The following HMG20A variants were observed in gnomAD, a reference collection of about 807,000 sequenced individuals.
HMG20A encodes the protein high mobility group protein 20A.
HMG20A carries 17 observed loss-of-function variants against 43.9 expected under a neutral mutation model. That is an observed-to-expected ratio of 0.39 (90% CI 0.27 to 0.58). The LOEUF is 0.58. Ranked by LOEUF, HMG20A falls within the 20% of genes least tolerant of loss-of-function variation. The probability of loss-of-function intolerance (pLI) is 0.59; values close to 1 mark genes in which losing one functional copy is unlikely to be tolerated. For synonymous variants in HMG20A, 132 were observed against 147.5 expected, an observed-to-expected ratio of 0.89 and a Z score of 0.76; for missense variants, 341 against 438.2, an observed-to-expected ratio of 0.78 and a Z score of 1.98.
At chr15:77,497,290 T>C in the HMG20A span, among the ~76,000 whole-genome samples, 1 of 152,166 alleles carries the variant, frequency 6.6e-6, no homozygotes, top group East Asian at 1.9e-4. Context: ...AGTGGCACTG[T>C]CTCTGGCCTG....
intron 1 of HMG20A, among the ~76,000 whole-genome samples, chr15:77,435,819 C>CT (rs35390385): frequency 0.62 from 91,333 of 147,660 alleles, 28,654 homozygotes; most frequent in Middle Eastern, 0.71. Context: ...GTAGGTGCAT[C>CT]TTTTTTTTTT....
At chr15:77,490,269 C>G (rs534428996), downstream of HMG20A, among the ~76,000 whole-genome samples, 1 of 152,066 alleles carries the variant, frequency 6.6e-6, no homozygotes, top group South Asian at 2.1e-4. Context: ...GCCTGAGTAA[C>G]AGAGCAAGAC....
chr15:77,472,432 AC>A (rs1309953670), intron 6 of HMG20A, among the ~76,000 whole-genome samples: 3 of 151,960 alleles, frequency 2.0e-5, no homozygotes, highest in Admixed American at 1.3e-4. Context: ...GTGCCATCAT[AC>A]CCGGCTAATT....
At position 77,437,312 on chromosome 15, in the gene HMG20A, C is replaced by G. The variant is rs2073560123; in HGVS notation, c.-5+16308C>G. On this transcript the variant is annotated intron_variant, in intron 1 of 9. Transcript: ENST00000336216. ...GTATTGCTGGTATCTTAACCATGTACCTGGTACATATTACTGAAAATATGT... is the reference window on the plus strand; with the variant it reads ...GTATTGCTGGTATCTTAACCATGTAGCTGGTACATATTACTGAAAATATGT... Among the ~76,000 whole-genome samples, 2 of 152,142 alleles carry G rather than the reference C, an allele frequency of 1.3e-5. 1 individual carries two copies. Among genetic ancestry groups the G allele is most frequent in the South Asian group, 4.1e-4 (2 of 4,830 alleles).
At chr15:77,461,060 C>T (rs745949330) in intron 2 of HMG20A, among the ~76,000 whole-genome samples, 33 of 151,154 alleles carry the variant, frequency 2.2e-4, no homozygotes, top group Non-Finnish European at 4.1e-4. Context: ...CTAGAAAGGT[C>T]GCAGAAAAGC....
rs184407216 is a variant in HMG20A, at chr15:77,483,332, G to A, written c.*369G>A. Reference sequence around the variant, plus strand: ...AAGGAAGACTTTTCATTGTAATTTCGCTTAGACCCTTTTATCAGTGGAGCT... The same window carrying A: ...AAGGAAGACTTTTCATTGTAATTTCACTTAGACCCTTTTATCAGTGGAGCT... On this transcript the variant is annotated 3_prime_UTR_variant, in exon 10 of 10. Coordinates refer to ENST00000336216, the MANE Select transcript of HMG20A (RefSeq NM_001304504.2). 6 of 152,286 alleles carry A rather than the reference G, an allele frequency of 3.9e-5. No individual in the cohort carries two copies. The highest frequency in any genetic ancestry group is 2.0e-4 in the Admixed American group (3 of 15,288). 9.4% of individuals were successfully genotyped at this position (152,286 alleles called of 1,614,324 possible).
chr15:77,440,518 A>G (rs925631868), intron 1 of HMG20A, among the ~76,000 whole-genome samples: 7 of 152,202 alleles, frequency 4.6e-5, no homozygotes, highest in Non-Finnish European at 7.4e-5. Context: ...TGTGGTAATA[A>G]ACAACCACAA....
intron 1 of HMG20A, among the ~76,000 whole-genome samples, chr15:77,427,618 C>T (rs966379542): frequency 2.6e-5 from 4 of 152,154 alleles, no homozygotes; most frequent in African/African-American, 9.7e-5. Context: ...TGAAGGAATT[C>T]AGGACCCTTA....
intron 7 of HMG20A, chr15:77,478,050 G>A (rs1479283190): frequency 9.0e-6 from 5 of 558,102 alleles, no homozygotes; most frequent in African/African-American, 5.6e-5. Flanking sequence ...AAAATACTGG[G>A]AATTGAAACT....
the HMG20A span, among the ~76,000 whole-genome samples, chr15:77,509,722 A>T: frequency 6.6e-6 from 1 of 151,686 alleles, no homozygotes; most frequent in East Asian, 2.0e-4. Context: ...CCTGGCCAAC[A>T]TGGAGAAACC....
the HMG20A span, among the ~76,000 whole-genome samples, chr15:77,508,817 T>C: frequency 6.6e-6 from 1 of 152,214 alleles, no homozygotes; most frequent in Non-Finnish European, 1.5e-5. Context: ...ACTTCCTGAC[T>C]CTTATTCTGT....
At chr15:77,494,131 C>A in the HMG20A span, among the ~76,000 whole-genome samples, 3 of 135,838 alleles carry the variant, frequency 2.2e-5, no homozygotes, top group African/African-American at 8.5e-5. Context: ...CTAATGTTAA[C>A]TTTTTTTGTT....
chr15:77,442,255 G>A (rs1015313702), intron 1 of HMG20A, among the ~76,000 whole-genome samples: 1 of 152,124 alleles, frequency 6.6e-6, no homozygotes. Flanking sequence ...AACTTATCTG[G>A]AAAGTTAATA....
intron 2 of HMG20A, 138 bp from the exon 3 acceptor site, chr15:77,464,095 GTGAATAC>G (rs2072732542): frequency 1.1e-6 from 1 of 894,914 alleles, no homozygotes; most frequent in East Asian, 2.9e-5. Flanking sequence ...TGTAACGTCT[GTGAATAC>G]GTTGTTTACA....
At chr15:77,506,727 C>G in the HMG20A span, among the ~76,000 whole-genome samples, 1 of 152,254 alleles carries the variant, frequency 6.6e-6, no homozygotes, top group African/African-American at 2.4e-5. Flanking sequence ...TGGGTGTGAC[C>G]TGTTCCAGCC....
rs1468861255 is a variant in HMG20A at position 77,483,608 on chromosome 15, A to T, written c.*645A>T. 1 of 152,668 alleles carries T rather than the reference A, an allele frequency of 6.6e-6. No homozygotes were observed. The highest frequency in any genetic ancestry group is 1.5e-5 in the Non-Finnish European group (1 of 68,130). 9.5% of individuals were successfully genotyped at this position (152,668 alleles called of 1,614,324 possible). A position where few individuals can be genotyped will look rare whatever the true frequency, so the allele number is the denominator to read the frequency against. On this transcript the variant is annotated 3_prime_UTR_variant, in exon 10 of 10. Transcript: ENST00000336216. The stretch of plus-strand genomic sequence containing the variant: ...GGAGCAAGGCTGTGTTTCCTACCCC[A>T]CACGGTGCTCAGTGGGTGCCAGCCC...
chr15:77,499,233 G>A, the HMG20A span, among the ~76,000 whole-genome samples: 2 of 152,168 alleles, frequency 1.3e-5, no homozygotes, highest in African/African-American at 4.8e-5. Flanking sequence ...TCCTCCTCCA[G>A]TGCCAGGCCT....
intron 1 of HMG20A, among the ~76,000 whole-genome samples, chr15:77,427,481 A>C (rs1209654344): frequency 1.3e-4 from 20 of 152,180 alleles, no homozygotes; most frequent in Admixed American, 8.5e-4. Flanking sequence ...ATGTATAAGG[A>C]TGTTGTTTTC....
rs1020723959 is a variant in HMG20A at position 77,470,977 on chromosome 15, C to A, written c.518C>A (p.Thr173Lys). 1 of 1,613,228 alleles carries A rather than the reference C, an allele frequency of 6.2e-7. No individual in the cohort carries two copies. The highest frequency in any genetic ancestry group is 8.5e-7 in the Non-Finnish European group (1 of 1,179,614). Residue 173 changes from threonine to lysine, a missense_variant, in exon 5 of 10, where the codon ACA becomes AAA. By Grantham distance (78) the Thr-to-Lys change is moderately conservative. Around this residue, in one of 3 missense-constraint regions of HMG20A, gnomAD observed 220 missense variants for 263.6 expected, o/e 0.83. Coordinates refer to ENST00000336216, the MANE Select transcript of HMG20A (RefSeq NM_001304504.2). ...YMKELEQYQK[T>K]EAYKVFSRKT... ...AAGGAACTGGAACAGTATCAGAAAA[C>A]AGAGGCCTACAAGGTCTTCAGTAGG...
Sources: allele counts gnomAD v4.1 joint callset (sites outside exome capture counted in the v4.1 genomes callset), GRCh38; gene constraint gnomAD v4.1.1; regional missense constraint gnomAD v4.1.1; transcripts MANE v1.5; gene names NCBI Gene and HGNC (gene_info 2026-07-23, HGNC 2026-07-21).